BFSP1: variants seen among roughly 807,000 people sequenced by gnomAD.
BFSP1 encodes the protein beaded filament structural protein 1, also known as filensin.
A neutral mutation model predicts 43.9 loss-of-function variants in BFSP1; 38 were observed. The ratio of observed to expected loss-of-function variants is 0.87; its 90% CI spans 0.67 to 1.14. BFSP1 has a LOEUF of 1.14. Ranked by LOEUF, BFSP1 falls within the 50% of genes most tolerant of loss-of-function variation. The pLI is 0.00. For synonymous variants in BFSP1, 352 were observed against 354.8 expected (o/e 0.99, Z 0.09); for missense variants, 850 against 875.1 (o/e 0.97, Z 0.36).
upstream of BFSP1, among the ~76,000 whole-genome samples, chr20:17,559,804 C>A (rs1464730584): frequency 2.0e-5 from 3 of 152,084 alleles, no homozygotes; most frequent in African/African-American, 7.2e-5. Flanking sequence ...TGAAACCAAT[C>A]CCCCGCCAAC....
At chr20:17,565,515 T>C (rs2035108700) in intron 1 of BFSP1, 1 of 152,192 alleles carries the variant, frequency 6.6e-6, no homozygotes, top group South Asian at 2.1e-4. Flanking sequence ...TTATAAGAAA[T>C]GATTTATTGA....
chr20:17,567,342 C>T (rs375843325), intron 1 of BFSP1, among the ~76,000 whole-genome samples: 3 of 152,288 alleles, frequency 2.0e-5, no homozygotes, highest in Non-Finnish European at 4.4e-5. Flanking sequence ...TTCATACATA[C>T]GCATCTTAAA....
intron 1 of BFSP1, among the ~76,000 whole-genome samples, chr20:17,547,717 T>G (rs1403627874): frequency 1.4e-5 from 2 of 147,308 alleles, no homozygotes; most frequent in African/African-American, 4.9e-5. Context: ...AGAGACATGT[T>G]TTTTTTCTTT....
chr20:17,555,678 A>G (rs1373207543), intron 1 of BFSP1, among the ~76,000 whole-genome samples: 2 of 152,192 alleles, frequency 1.3e-5, no homozygotes, highest in African/African-American at 2.4e-5. Context: ...ATAAACAAAC[A>G]AAACAATAAG....
chr20:17,508,608 G>A (rs1322718597), intron 5 of BFSP1, among the ~76,000 whole-genome samples: 2 of 152,048 alleles, frequency 1.3e-5, no homozygotes, highest in Non-Finnish European at 2.9e-5. Context: ...CGGTGGGGAG[G>A]GCATGACTCG....
At chr20:17,497,450 A>G (rs1600629790) in intron 6 of BFSP1, among the ~76,000 whole-genome samples, 2 of 57,574 alleles carry the variant, frequency 3.5e-5, no homozygotes, top group Non-Finnish European at 6.6e-5. Flanking sequence ...ACGTGTATGT[A>G]TATATATATA....
chr20:17,544,661 T>C (rs148044527), intron 1 of BFSP1, among the ~76,000 whole-genome samples: 6 of 152,326 alleles, frequency 3.9e-5, no homozygotes, highest in African/African-American at 1.2e-4. Context: ...TTGGGAATAA[T>C]ATATGGAGTT....
intron 2 of BFSP1, among the ~76,000 whole-genome samples, chr20:17,515,229 G>A (rs553074648): frequency 1.3e-5 from 2 of 152,286 alleles, no homozygotes; most frequent in East Asian, 3.9e-4. Flanking sequence ...TACAGCCAGG[G>A]TTAAGTAACC....
chr20:17,546,981 G>A (rs2034811995), intron 1 of BFSP1, among the ~76,000 whole-genome samples: 2 of 141,920 alleles, frequency 1.4e-5, no homozygotes, highest in African/African-American at 2.7e-5. Flanking sequence ...CTGAGATCAT[G>A]CCACTGCTGC....
intron 5 of BFSP1, among the ~76,000 whole-genome samples, chr20:17,503,082 G>A (rs1374299056): frequency 6.6e-6 from 1 of 152,178 alleles, no homozygotes; most frequent in Non-Finnish European, 1.5e-5. Context: ...GGAGTGCAGT[G>A]CTGCCATCAG....
chr20:17,542,616 T>C lies in BFSP1; in HGVS notation c.2+16072A>G, dbSNP rs561658047. 5.9e-5 allele frequency among the ~76,000 whole-genome samples: 9 copies of C among 151,972 alleles called. No individual in the cohort carries two copies. In the South Asian group the frequency reaches 1.9e-3, roughly 32 times the overall value. On this transcript the variant is annotated intron_variant, in intron 1 of 7. Transcript: ENST00000377868. ...CCCATCTTAAAAAGAAAAAAAAAAGTCAGTTGTTAAACATTTACTAACCTC... is the reference window on the plus strand; with the variant it reads ...CCCATCTTAAAAAGAAAAAAAAAAGCCAGTTGTTAAACATTTACTAACCTC...
Position 17,494,869 on chromosome 20 carries a change from C to T in BFSP1, c.1203G>A (p.Gln401=). 1 of 1,614,236 alleles carries T rather than the reference C, an allele frequency of 6.2e-7. No homozygotes were observed. The highest frequency in any genetic ancestry group is 8.5e-7 in the Non-Finnish European group (1 of 1,180,050). The change falls in exon 8 of 8, where the codon CAG becomes CAA. Residue 401 remains glutamine (Q), a synonymous_variant. Transcript: ENST00000377873. The part of the protein sequence containing the change: ...LKGLEDTKLV[Q]VVLKEESESK... Reference sequence around the variant, plus strand: ...ATTCACTTTCCTCTTTAAGTACCACCTGTACCAGCTTTGTGTCTTCCAAAC... The same window carrying T: ...ATTCACTTTCCTCTTTAAGTACCACTTGTACCAGCTTTGTGTCTTCCAAAC...
chr20:17,553,826 T>TATATATAC (rs1568717958), intron 1 of BFSP1, among the ~76,000 whole-genome samples: 106 of 87,082 alleles, frequency 1.2e-3, no homozygotes, highest in African/African-American at 7.3e-3. Flanking sequence ...CACACACACA[T>TATATATAC]ATATATATAT....
At chr20:17,514,140 C>G (rs1458774177) in intron 3 of BFSP1, among the ~76,000 whole-genome samples, 1 of 152,206 alleles carries the variant, frequency 6.6e-6, no homozygotes, top group Non-Finnish European at 1.5e-5. Flanking sequence ...ACTTCACCCA[C>G]GTCACTGCTG....
chr20:17,508,809 C>T, intron 5 of BFSP1, 80 bp downstream of exon 5: 11 of 1,293,924 alleles, frequency 8.5e-6, no homozygotes, highest in Non-Finnish European at 1.1e-5. Context: ...GCTCCTCAAG[C>T]TGCATGCGTG....
chr20:17,523,317 G>A (rs954728612), intron 2 of BFSP1, among the ~76,000 whole-genome samples: 1 of 151,576 alleles, frequency 6.6e-6, no homozygotes, highest in African/African-American at 2.4e-5. Flanking sequence ...GGCACTGCGT[G>A]AGTGACAAGT....
chr20:17,558,511 T>C (rs1008897777), intron 1 of BFSP1, among the ~76,000 whole-genome samples: 1 of 152,242 alleles, frequency 6.6e-6, no homozygotes, highest in Non-Finnish European at 1.5e-5. Flanking sequence ...GTGTGTCTTA[T>C]GTCAGACTAC....
intron 1 of BFSP1, among the ~76,000 whole-genome samples, chr20:17,551,295 T>A (rs1463099733): frequency 6.6e-6 from 1 of 152,094 alleles, no homozygotes; most frequent in Non-Finnish European, 1.5e-5. Context: ...AGCTGTCTGG[T>A]CACACAGTGA....
intron 1 of BFSP1, among the ~76,000 whole-genome samples, chr20:17,547,055 G>C (rs895151094): frequency 1.3e-5 from 2 of 151,384 alleles, no homozygotes; most frequent in African/African-American, 4.9e-5. Context: ...AAAGATTTGG[G>C]TGGGGACACA....
Sources: gnomAD v4.1 joint callset for allele counts (sites outside exome capture counted in the v4.1 genomes callset) on GRCh38, gnomAD v4.1.1 for gene constraint, MANE v1.5 for transcripts, NCBI Gene and HGNC (gene_info 2026-07-23, HGNC 2026-07-21) for gene names.